The following EPM2A variants were observed in gnomAD, a reference collection of about 807,000 sequenced individuals.
EPM2A encodes the protein EPM2A glucan phosphatase, laforin.
EPM2A carries 21 observed loss-of-function variants against 26.5 expected under a neutral mutation model. The observed-to-expected ratio is 0.79, with a 90% CI of 0.56 to 1.14. The LOEUF (loss-of-function observed/expected upper bound fraction) is 1.14, where lower values mean the gene tolerates loss of function less well. EPM2A is among the 50% of genes most tolerant of loss of function. EPM2A has a pLI of 0.00. For synonymous variants in EPM2A, 217 were observed against 177.6 expected (o/e 1.22, Z -1.76); for missense variants, 458 against 440.8 (o/e 1.04, Z -0.35).
intron 4 of EPM2A, among the ~76,000 whole-genome samples, chr6:145,410,977 TCA>T (rs1217344474): frequency 6.6e-6 from 1 of 152,144 alleles, no homozygotes; most frequent in Non-Finnish European, 1.5e-5. Flanking sequence ...TCTAATAACA[TCA>T]CAGTTTCATC....
At chr6:145,581,011 T>C (rs975455171) in intron 2 of EPM2A, among the ~76,000 whole-genome samples, 2 of 152,236 alleles carry the variant, frequency 1.3e-5, no homozygotes, top group African/African-American at 4.8e-5. Flanking sequence ...CAGAATGATT[T>C]ATATTCCTTT....
chr6:145,507,980 C>G (rs1355955718), intron 2 of EPM2A, among the ~76,000 whole-genome samples: 2 of 152,104 alleles, frequency 1.3e-5, no homozygotes, highest in African/African-American at 4.8e-5. Context: ...AGGTGGACAC[C>G]ACTTCCTTGG....
upstream of EPM2A, chr6:145,735,692 G>A: frequency 9.5e-7 from 1 of 1,052,316 alleles, no homozygotes; most frequent in Non-Finnish European, 1.2e-6. Context: ...AGGCCGGCGG[G>A]AAGGGGTCAG....
intron 2 of EPM2A, among the ~76,000 whole-genome samples, chr6:145,531,032 T>C (rs1780347992): frequency 6.6e-6 from 1 of 152,144 alleles, no homozygotes; most frequent in South Asian, 2.1e-4. Flanking sequence ...CAGCAAAACA[T>C]AGAAAGATAT....
rs1013612983 is a variant in EPM2A at position 145,626,533 on chromosome 6, T to G, written c.*883A>C. ...TTCTATGTCTCGCTATAGAAACTCC[T>G]GCAGGCATATTGACTATACCCTGAG... On this transcript the variant is annotated 3_prime_UTR_variant, in exon 4 of 4. Coordinates refer to ENST00000367519, the MANE Select transcript of EPM2A (RefSeq NM_005670.4). 5 of 985,780 alleles carry G rather than the reference T, an allele frequency of 5.1e-6. No homozygotes were observed. The African/African-American group carries it at 8.7e-5, about 17-fold the overall frequency. The allele number at this position is 985,780 out of a possible 1,614,324, so 61.1% of individuals were successfully genotyped here.
At chr6:145,509,954 T>C (rs376928418) in intron 2 of EPM2A, among the ~76,000 whole-genome samples, 1 of 152,026 alleles carries the variant, frequency 6.6e-6, no homozygotes, top group Admixed American at 6.5e-5. Flanking sequence ...ATATAAAATA[T>C]ACTTTAAACC....
At chr6:145,557,967 C>G (rs1391681472) in intron 2 of EPM2A, among the ~76,000 whole-genome samples, 6 of 152,016 alleles carry the variant, frequency 3.9e-5, no homozygotes, top group Non-Finnish European at 5.9e-5. Context: ...GACCTGCTCT[C>G]TATTTTTATG....
At chr6:145,612,261 T>C (rs1276732161) in intron 2 of EPM2A, among the ~76,000 whole-genome samples, 1 of 152,184 alleles carries the variant, frequency 6.6e-6, no homozygotes. Flanking sequence ...TTTTGCATTT[T>C]ATAATGGATC....
chr6:145,409,646 T>C (rs1042270338), intron 4 of EPM2A, among the ~76,000 whole-genome samples: 1 of 152,174 alleles, frequency 6.6e-6, no homozygotes, highest in African/African-American at 2.4e-5. Flanking sequence ...TACTCACTTA[T>C]TATTATCTTT....
chr6:145,538,402 G>C (rs1780463619), intron 2 of EPM2A, among the ~76,000 whole-genome samples: 1 of 152,198 alleles, frequency 6.6e-6, no homozygotes, highest in Non-Finnish European at 1.5e-5. Context: ...TTGTTTGAAT[G>C]TAAATAAGAG....
At chr6:145,595,759 A>C (rs1781334505) in intron 2 of EPM2A, among the ~76,000 whole-genome samples, 1 of 152,140 alleles carries the variant, frequency 6.6e-6, no homozygotes, top group Non-Finnish European at 1.5e-5. Flanking sequence ...ATAGATAGTG[A>C]TATTATAGCA....
intron 2 of EPM2A, among the ~76,000 whole-genome samples, chr6:145,571,795 C>T (rs6899702): frequency 0.43 from 65,266 of 151,998 alleles, 14,572 homozygotes; most frequent in African/African-American, 0.52. Flanking sequence ...CATGGGCCCA[C>T]TGGGCAATGA....
chr6:145,477,434 A>G (rs1265071871), intron 4 of EPM2A, among the ~76,000 whole-genome samples: 1 of 151,954 alleles, frequency 6.6e-6, no homozygotes, highest in Non-Finnish European at 1.5e-5. Context: ...CTATGAGTCC[A>G]GTATTACCCA....
At chr6:145,542,652 T>A (rs969538283) in intron 2 of EPM2A, among the ~76,000 whole-genome samples, 4 of 152,216 alleles carry the variant, frequency 2.6e-5, no homozygotes, top group African/African-American at 9.7e-5. Flanking sequence ...CCCTTGTTAG[T>A]CCCCTCTGGA....
chr6:145,519,367 G>A (rs1056990172), intron 2 of EPM2A, among the ~76,000 whole-genome samples: 3 of 152,032 alleles, frequency 2.0e-5, no homozygotes, highest in African/African-American at 7.2e-5. Context: ...AACATGGAGG[G>A]CAACCCAGAC....
chr6:145,508,324 T>G (rs1297633360), intron 2 of EPM2A, among the ~76,000 whole-genome samples: 1 of 152,232 alleles, frequency 6.6e-6, no homozygotes, highest in Non-Finnish European at 1.5e-5. Context: ...CTGCCCATGC[T>G]AAGGGTAAAC....
intron 1 of EPM2A, among the ~76,000 whole-genome samples, chr6:145,717,774 A>T (rs1342562923): frequency 1.2e-4 from 18 of 148,394 alleles, no homozygotes; most frequent in South Asian, 2.2e-4. Context: ...GCAAAGTCTC[A>T]GGATACAAAA....
In EPM2A at chr6:145,533,040, A is replaced by C. The variant is rs377318515; in HGVS notation, c.341-30465T>G. Among the ~76,000 whole-genome samples the C allele has an allele frequency of 3.3e-5, 5 of 152,258 alleles. No individual in the cohort carries two copies. The South Asian group carries it at 1.0e-3, about 32-fold the overall frequency. On this transcript the variant is annotated intron_variant, in intron 2 of 3. Coordinates refer to the EPM2A transcript ENST00000450221. Reference sequence around the variant, plus strand: ...TTGCTTATCTGACATGATCATATTGATGTCTAACAGGCTTCCCAAACTTAA... The same window carrying C: ...TTGCTTATCTGACATGATCATATTGCTGTCTAACAGGCTTCCCAAACTTAA...
At position 145,625,848 on chromosome 6, in the gene EPM2A, G is replaced by T. The variant is rs528989693; in HGVS notation, c.*1568C>A. 7 of 1,540,498 alleles carry T rather than the reference G, an allele frequency of 4.5e-6. No homozygotes were observed. In the African/African-American group the frequency reaches 8.2e-5, roughly 18 times the overall value. Reference sequence around the variant, plus strand: ...CACGCCTTCTAAATAAGAGTCTCTTGCATCTATCAATATGTGTTTGTGGAA... The same window carrying T: ...CACGCCTTCTAAATAAGAGTCTCTTTCATCTATCAATATGTGTTTGTGGAA... On this transcript the variant is annotated 3_prime_UTR_variant, in exon 4 of 4. Coordinates refer to ENST00000367519, the MANE Select transcript of EPM2A (RefSeq NM_005670.4).
Sources: gnomAD v4.1 joint callset for allele counts (sites outside exome capture counted in the v4.1 genomes callset) on GRCh38, gnomAD v4.1.1 for gene constraint, MANE v1.5 for transcripts, NCBI Gene and HGNC (gene_info 2026-07-23, HGNC 2026-07-21) for gene names.